AFM: variants seen among roughly 807,000 people sequenced by gnomAD.
AFM encodes the protein alpha-Alb.
A neutral mutation model predicts 68.7 loss-of-function variants in AFM; 82 were observed. The ratio of observed to expected loss-of-function variants is 1.19; its 90% CI spans 1.00 to 1.43. The LOEUF is 1.43. Among genes scored for constraint, AFM ranks in the 40% most tolerant of loss-of-function variants. The probability of loss-of-function intolerance (pLI) is 0.00; values close to 1 mark genes in which losing one functional copy is unlikely to be tolerated. For missense variants in AFM, 772 were observed against 701.8 expected (o/e 1.10, Z -1.13); for synonymous variants, 250 against 234.2 (o/e 1.07, Z -0.61).
At chr4:73,490,848 A>G (rs987510006) in intron 7 of AFM, among the ~76,000 whole-genome samples, 2 of 152,204 alleles carry the variant, frequency 1.3e-5, no homozygotes, top group Non-Finnish European at 2.9e-5. Context: ...CAATGCTGGC[A>G]TTACATGAGA....
Position 73,499,166 on chromosome 4 carries a change from G to A in AFM, c.1342G>A (p.Val448Met). 2 of 1,613,440 alleles carry A rather than the reference G, an allele frequency of 1.2e-6. No individual in the cohort carries two copies. Among genetic ancestry groups the A allele is most frequent in the Non-Finnish European group, 1.7e-6 (2 of 1,179,632 alleles). ...TCCCCAACTCTCCACTGAAGAACTG[G>A]TGTCTCTTGGCGAGAAAATGGTGAC... ...IAPQLSTEELVSLGEKMVTAF... is the reference protein window; with the variant it reads ...IAPQLSTEELMSLGEKMVTAF... Residue 448 changes from valine to methionine, a missense_variant, in exon 11 of 15, where the codon GTG (valine) becomes ATG (methionine). Coordinates refer to ENST00000226355, the MANE Select transcript of AFM (RefSeq NM_001133.2).
At chr4:73,493,172 C>T (rs549962136) in intron 8 of AFM, among the ~76,000 whole-genome samples, 23 of 152,138 alleles carry the variant, frequency 1.5e-4, no homozygotes, top group African/African-American at 3.4e-4. Flanking sequence ...GCATCTGCAG[C>T]GAGAGACCAG....
intron 4 of AFM, 97 bp from the exon 5 acceptor site, chr4:73,486,870 A>T: frequency 3.6e-6 from 4 of 1,110,436 alleles, no homozygotes; most frequent in Non-Finnish European, 5.1e-6. Flanking sequence ...TTCCCATCTT[A>T]CCCTCCCTTC....
chr4:73,485,333 G>C (rs1720861207), intron 3 of AFM, among the ~76,000 whole-genome samples: 1 of 152,154 alleles, frequency 6.6e-6, no homozygotes, highest in Non-Finnish European at 1.5e-5. Flanking sequence ...AAGAGTAAGA[G>C]GTGGAAGTGT....
intron 10 of AFM, among the ~76,000 whole-genome samples, chr4:73,498,682 T>C (rs1721329155): frequency 6.6e-6 from 1 of 152,250 alleles, no homozygotes; most frequent in Non-Finnish European, 1.5e-5. Flanking sequence ...GGCTGTTAGC[T>C]GACAATTCAA....
rs181593933 is a variant in AFM at position 73,484,383 on chromosome 4, A to T, written c.263A>T (p.Lys88Ile). Reference protein sequence around the residue: ...MADKTLPECSKLPNNVLQEKI... With the variant: ...MADKTLPECSILPNNVLQEKI... ...GACAAGACGCTCCCAGAGTGTTCAA[A>T]ATTACCTGTAAGTAAATTGCTTGTG... The change falls in exon 3 of 15, where the codon AAA becomes ATA. Residue 88 changes from lysine to isoleucine, a missense_variant. Coordinates refer to ENST00000226355, the MANE Select transcript of AFM (RefSeq NM_001133.2). 8.0e-5 allele frequency: 125 copies of T among 1,568,066 alleles called. No homozygotes were observed. The highest frequency in any genetic ancestry group is 3.2e-4 in the Admixed American group (17 of 52,468).
chr4:73,495,466 A>G (rs1336715358), intron 9 of AFM, 34 bp downstream of exon 9: 1 of 1,591,320 alleles, frequency 6.3e-7, no homozygotes, highest in East Asian at 2.2e-5. Flanking sequence ...AGAAAATCAA[A>G]AAAGAACAAC....
In AFM at chr4:73,487,002, T is replaced by C. The variant is rs749862684; in HGVS notation, c.518T>C (p.Val173Ala). The change falls in exon 5 of 15, where the codon GTC becomes GCC. Residue 173 changes from valine to alanine, a missense_variant. Physicochemically the swap from Val to Ala is moderately conservative, Grantham distance 64. Coordinates refer to ENST00000226355, the MANE Select transcript of AFM (RefSeq NM_001133.2). ...GAAGTTGCCAGAAGGAACCCATTTG[T>C]CTTCGCCCCTACACTTCTAACTGTT... ...LYEVARRNPFVFAPTLLTVAV... is the reference protein window; with the variant it reads ...LYEVARRNPFAFAPTLLTVAV... 1 of 1,613,904 alleles carries C rather than the reference T, an allele frequency of 6.2e-7. No homozygotes were observed. Among genetic ancestry groups the C allele is most frequent in the Admixed American group, 1.7e-5 (1 of 60,002 alleles).
chr4:73,496,581 G>A (rs1254643322), intron 9 of AFM, among the ~76,000 whole-genome samples: 1 of 152,128 alleles, frequency 6.6e-6, no homozygotes, highest in Non-Finnish European at 1.5e-5. Context: ...TCATTTCAAT[G>A]TCACTTTTAC....
intron 2 of AFM, 105 bp from the exon 3 acceptor site, chr4:73,484,153 A>C: frequency 6.9e-7 from 1 of 1,459,136 alleles, no homozygotes; most frequent in Non-Finnish European, 9.1e-7. Flanking sequence ...AGCCATTACA[A>C]TAGATAATTT....
At chr4:73,499,290 T>TTG (rs1721352673) in intron 11 of AFM, 44 bp downstream of exon 11, 1 of 1,030,930 alleles carries the variant, frequency 9.7e-7, no homozygotes, top group South Asian at 2.0e-5. Context: ...TTTTTTTTTT[T>TTG]AAAAAAAAGA....
At chr4:73,484,632 T>C (rs1560408290) in intron 3 of AFM, among the ~76,000 whole-genome samples, 1 of 151,976 alleles carries the variant, frequency 6.6e-6, no homozygotes, top group African/African-American at 2.4e-5. Context: ...CTTCCTGGGT[T>C]CAGGCAATTC....
At chr4:73,483,307 AG>A (rs1560407429) in intron 1 of AFM, among the ~76,000 whole-genome samples, 2 of 152,212 alleles carry the variant, frequency 1.3e-5, no homozygotes, top group Non-Finnish European at 2.9e-5. Flanking sequence ...AACTTCTATT[AG>A]AGAGCAGCTT....
At chr4:73,503,247 C>A (rs964288134) in intron 14 of AFM, 137 bp downstream of exon 14, 1 of 661,398 alleles carries the variant, frequency 1.5e-6, no homozygotes, top group Admixed American at 2.7e-5. Context: ...GCTAACAGAC[C>A]CCGATATTGT....
intron 4 of AFM, 123 bp from the exon 5 acceptor site, chr4:73,486,844 C>CTTTTTTTT (rs1720913878): frequency 1.0e-6 from 1 of 976,912 alleles, no homozygotes; most frequent in Non-Finnish European, 1.5e-6. Flanking sequence ...TTGTCTCTTT[C>CTTTTTTTT]TATTTTTTCT....
chr4:73,502,774 C>A lies in AFM; in HGVS notation c.1780-276C>A, dbSNP rs142673845. Among the ~76,000 whole-genome samples, 755 of 152,092 alleles carry A rather than the reference C, an allele frequency of 5.0e-3. 17 individuals are homozygous for A. The highest frequency in any genetic ancestry group is 0.04 in the Admixed American group (609 of 15,250). ...ATATTACTAGTTTTTAAAAAATATA[C>A]CTAATTTTAAGTAAAGGATATTAAT... On this transcript the variant is annotated intron_variant, in intron 13 of 14. Coordinates refer to ENST00000226355, the MANE Select transcript of AFM (RefSeq NM_001133.2).
chr4:73,494,578 G>A (rs1020411977), intron 8 of AFM, among the ~76,000 whole-genome samples: 2 of 152,148 alleles, frequency 1.3e-5, no homozygotes, highest in African/African-American at 4.8e-5. Context: ...TTCCTCAGTT[G>A]TAAAACAGTA....
rs1393731168 is a variant in AFM at position 73,485,192 on chromosome 4, T to C, written c.271-670T>C. ...GGGCCTCCTCCAAGTAGAATCACTA[T>C]CTGCATCTCCAAAAAACTACTACTA... On this transcript the variant is annotated intron_variant, in intron 3 of 14. Coordinates refer to ENST00000226355, the MANE Select transcript of AFM (RefSeq NM_001133.2). 4.6e-5 allele frequency among the ~76,000 whole-genome samples: 7 copies of C among 152,144 alleles called. No homozygotes were observed. In the South Asian group the frequency reaches 8.3e-4, roughly 18 times the overall value.
intron 8 of AFM, among the ~76,000 whole-genome samples, chr4:73,493,278 C>A (rs1249357669): frequency 1.3e-5 from 2 of 152,174 alleles, no homozygotes; most frequent in African/African-American, 4.8e-5. Flanking sequence ...AGGACAAATT[C>A]ACTTTCAGTT....
Sources: allele counts gnomAD v4.1 joint callset (sites outside exome capture counted in the v4.1 genomes callset), GRCh38; gene constraint gnomAD v4.1.1; transcripts MANE v1.5; gene names NCBI Gene and HGNC (gene_info 2026-07-23, HGNC 2026-07-21).